The following CMIP variants were observed in gnomAD, a reference collection of about 807,000 sequenced individuals.
CMIP encodes C-Maf-inducing protein.
CMIP carries 13 observed loss-of-function variants against 97.3 expected under a neutral mutation model. The observed-to-expected ratio is 0.13, with a 90% CI of 0.09 to 0.21. The LOEUF (loss-of-function observed/expected upper bound fraction) is 0.21. Ranked by LOEUF, CMIP falls within the 10% of genes least tolerant of loss-of-function variation. The pLI is 1.00. For synonymous variants in CMIP, 538 were observed against 436.3 expected, an observed-to-expected ratio of 1.23 and a Z score of -2.91; for missense variants, 847 against 1,024.9, an observed-to-expected ratio of 0.83 and a Z score of 2.37.
intron 1 of CMIP, chr16:81,518,997 G>A (rs1328787077): frequency 6.6e-6 from 1 of 152,218 alleles, no homozygotes; most frequent in Non-Finnish European, 1.5e-5. Context: ...GCCACGCCTG[G>A]CTAATTTTTG....
chr16:81,707,190 A>G (rs1471316553), intron 20 of CMIP, 106 bp downstream of exon 20: 1 of 873,420 alleles, frequency 1.1e-6, no homozygotes, highest in Non-Finnish European at 1.9e-6. Context: ...AAGGATGATG[A>G]CATCTACAGA....
chr16:81,617,779 C>G (rs889261357), intron 2 of CMIP, among the ~76,000 whole-genome samples: 10 of 152,252 alleles, frequency 6.6e-5, no homozygotes, highest in African/African-American at 2.4e-4. Context: ...CTAGTCCATT[C>G]ATTCCTTTGT....
chr16:81,453,462 C>T lies in CMIP; in HGVS notation c.300+7921C>T, dbSNP rs1251408702. Among the ~76,000 whole-genome samples the T allele has an allele frequency of 6.6e-6, 1 of 152,292 alleles. No homozygotes were observed. The highest frequency in any genetic ancestry group is 1.5e-5 in the Non-Finnish European group (1 of 68,024). ...GCTAGCTTCTCTGGGTGTCCTGGGC[C>T]AGTGCCAGTTTCCTTAGAGGTCCAG... On this transcript the variant is annotated intron_variant, in intron 1 of 20. Coordinates refer to ENST00000537098, the MANE Select transcript of CMIP (RefSeq NM_198390.3). This position sits in a 1 kb window ranked among gnomAD's most constrained non-coding sequence, Gnocchi z 4.0.
At chr16:81,573,451 T>C (rs1410620637) in intron 1 of CMIP, among the ~76,000 whole-genome samples, 1 of 152,210 alleles carries the variant, frequency 6.6e-6, no homozygotes, top group African/African-American at 2.4e-5. Context: ...TATACCCTGC[T>C]ATTCCTCATT....
At chr16:81,559,418 C>T (rs112821820) in intron 1 of CMIP, among the ~76,000 whole-genome samples, 1 of 152,334 alleles carries the variant, frequency 6.6e-6, no homozygotes, top group East Asian at 1.9e-4. Flanking sequence ...GATAGAGCAA[C>T]GACCACAGTA....
chr16:81,539,061 G>A (rs2090399583), intron 1 of CMIP, among the ~76,000 whole-genome samples: 1 of 152,076 alleles, frequency 6.6e-6, no homozygotes, highest in South Asian at 2.1e-4. Flanking sequence ...ACACACCGAT[G>A]GGCCGATTAC....
intron 1 of CMIP, among the ~76,000 whole-genome samples, chr16:81,506,013 A>G (rs551161280): frequency 1.3e-5 from 2 of 152,290 alleles, no homozygotes; most frequent in South Asian, 4.1e-4. Context: ...AATAAAATAA[A>G]TCAGGAACAG....
chr16:81,705,844 G>C lies in CMIP; in HGVS notation c.2197+240G>C, dbSNP rs371989600. On this transcript the variant is annotated intron_variant, in intron 19 of 20. Transcript: ENST00000537098. ...ATATTCTAGAGGCAATAGAAAAAAT[G>C]AGTAAGGCCAGCCCATAGCCTCTTG... Among the ~76,000 whole-genome samples the C allele has an allele frequency of 8.5e-5, 13 of 152,350 alleles. No homozygotes were observed. In the East Asian group the frequency reaches 2.5e-3, roughly 29 times the overall value.
In CMIP at chr16:81,558,900, C is replaced by A. The variant is rs373726988; in HGVS notation, c.301-48667C>A. The stretch of plus-strand genomic sequence containing the variant: ...TTCAGCGTCACCTCCCCAACCCCGC[C>A]ACCAGGTACTTTGTCCTTTGAAAGC... On this transcript the variant is annotated intron_variant, in intron 1 of 20. Transcript: ENST00000537098. Among the ~76,000 whole-genome samples, 341 of 152,354 alleles carry A rather than the reference C, an allele frequency of 2.2e-3. 3 individuals carry two copies. Among genetic ancestry groups the A allele is most frequent in the African/African-American group, 7.8e-3 (323 of 41,590 alleles).
intron 17 of CMIP, 149 bp from the exon 18 acceptor site, chr16:81,703,790 G>A (rs540065234): frequency 9.1e-7 from 1 of 1,096,376 alleles, no homozygotes; most frequent in Admixed American, 2.7e-5. Flanking sequence ...CCACCGAGCT[G>A]TGCCCCCATC....
In CMIP at chr16:81,704,094, T is replaced by C; in HGVS notation, c.2091+9T>C. The stretch of plus-strand genomic sequence containing the variant: ...ACCTGTGGTCCACTCAGGTACGTCC[T>C]CCCGCCCTGCTGCAGTCCCCCACAC... On this transcript the variant is annotated intron_variant, in intron 18 of 20. Transcript: ENST00000537098. 6.2e-7 allele frequency: 1 copy of C among 1,600,144 alleles called. No homozygotes were observed. Among genetic ancestry groups the C allele is most frequent in the Non-Finnish European group, 8.5e-7 (1 of 1,175,072 alleles).
intron 1 of CMIP, among the ~76,000 whole-genome samples, chr16:81,459,038 A>T (rs9746731): frequency 6.7e-6 from 1 of 150,120 alleles, no homozygotes; most frequent in African/African-American, 2.5e-5. Flanking sequence ...CACCATCACC[A>T]TCACCATCAC....
intron 10 of CMIP, among the ~76,000 whole-genome samples, chr16:81,681,627 C>A (rs930091037): frequency 6.6e-6 from 1 of 152,224 alleles, no homozygotes; most frequent in South Asian, 2.1e-4. Flanking sequence ...GCCGCTTGAC[C>A]ATACTATTGA....
rs377250298 is a variant in CMIP at position 81,452,869 on chromosome 16, G to GT, written c.300+7338dup. On this transcript the variant is annotated intron_variant, in intron 1 of 20. Coordinates refer to ENST00000537098, the MANE Select transcript of CMIP (RefSeq NM_198390.3). ...GCTTCTGTTGTGTGTTTTTTCTTTT[G>GT]TTTTTTTTTTGTTTTGTTTTTTTTT... 2.7e-3 allele frequency among the ~76,000 whole-genome samples: 281 copies of GT among 102,896 alleles called. 1 individual carries two copies. Among genetic ancestry groups the GT allele is most frequent in the African/African-American group, 3.5e-3 (88 of 25,314 alleles). The allele number at this position is 102,896 out of a possible 152,430, so 67.5% of individuals were successfully genotyped here.
intron 1 of CMIP, among the ~76,000 whole-genome samples, chr16:81,471,173 G>T (rs1484668300): frequency 6.6e-6 from 1 of 151,958 alleles, no homozygotes. Flanking sequence ...ATACACATAG[G>T]CACAATACAT....
In CMIP at chr16:81,597,468, G is replaced by A. The variant is rs554719809; in HGVS notation, c.301-10099G>A. Among the ~76,000 whole-genome samples, 7 of 152,218 alleles carry A rather than the reference G, an allele frequency of 4.6e-5. No homozygotes were observed. The South Asian group carries it at 1.4e-3, about 32-fold the overall frequency. ...GTGCGGTTGGTCAAGTTGTGCACCT[G>A]CTCAGAGTGTTCATTTCTGGTCTGT... On this transcript the variant is annotated intron_variant, in intron 1 of 20. Coordinates refer to ENST00000537098, the MANE Select transcript of CMIP (RefSeq NM_198390.3).
At chr16:81,610,303 C>T (rs140849857) in intron 2 of CMIP, 49 of 985,576 alleles carry the variant, frequency 5.0e-5, no homozygotes, top group Non-Finnish European at 5.7e-5. Context: ...ACAGAGCTGC[C>T]GCCGTGGTGC....
chr16:81,476,858 C>G (rs936346413), intron 1 of CMIP, among the ~76,000 whole-genome samples: 1 of 152,048 alleles, frequency 6.6e-6, no homozygotes, highest in Non-Finnish European at 1.5e-5. Context: ...TCCTTTTGTC[C>G]TTACTTCCCG....
intron 10 of CMIP, among the ~76,000 whole-genome samples, chr16:81,682,686 G>T (rs578059193): frequency 6.6e-6 from 1 of 152,368 alleles, no homozygotes; most frequent in South Asian, 2.1e-4. Context: ...GGCAGTGCAG[G>T]TCGCAGGGTG....
Sources: gnomAD v4.1 joint callset for allele counts (sites outside exome capture counted in the v4.1 genomes callset) on GRCh38, gnomAD v4.1.1 for gene constraint, Gnocchi (gnomAD v3.1) non-coding constraint, MANE v1.5 for transcripts, NCBI Gene and HGNC (gene_info 2026-07-23, HGNC 2026-07-21) for gene names.